Variants in RIBC2 observed in about 807,000 individuals in gnomAD.
RIBC2 encodes the protein RIB43A-like with coiled-coils protein 2.
A neutral mutation model predicts 44.3 loss-of-function variants in RIBC2; 40 were observed. That is an observed-to-expected ratio of 0.90 (90% CI 0.70 to 1.18). The LOEUF (loss-of-function observed/expected upper bound fraction) is 1.18. RIBC2 is among the 50% of genes most tolerant of loss of function. The pLI is 0.00. For missense variants in RIBC2, 459 were observed against 485.5 expected, an observed-to-expected ratio of 0.95 and a Z score of 0.51; for synonymous variants, 171 against 175.0, an observed-to-expected ratio of 0.98 and a Z score of 0.18.
intron 3 of RIBC2, 79 bp downstream of exon 3, chr22:45,418,025 C>G: frequency 1.1e-6 from 1 of 890,900 alleles, no homozygotes; most frequent in Non-Finnish European, 1.6e-6. Flanking sequence ...TTTTTTTAAG[C>G]AACCCTACAG....
chr22:45,417,973 T>C, intron 3 of RIBC2, 27 bp downstream of exon 3: 1 of 1,468,798 alleles, frequency 6.8e-7, no homozygotes, highest in Non-Finnish European at 9.2e-7. Flanking sequence ...GACGAGCTGG[T>C]CTCAACGCTC....
chr22:45,423,733 AC>A (rs1222588718), intron 4 of RIBC2, among the ~76,000 whole-genome samples: 8 of 152,128 alleles, frequency 5.3e-5, no homozygotes, highest in African/African-American at 1.9e-4. Flanking sequence ...GCAAAGCAAG[AC>A]ACCTGAAGTC....
chr22:45,415,525 A>G (rs2146872219), intron 2 of RIBC2, among the ~76,000 whole-genome samples: 1 of 152,170 alleles, frequency 6.6e-6, no homozygotes, highest in Admixed American at 6.5e-5. Flanking sequence ...ACCCACCATC[A>G]GACTAGATGT....
intron 2 of RIBC2, 49 bp downstream of exon 2, chr22:45,414,452 T>G: frequency 7.5e-7 from 1 of 1,328,174 alleles, no homozygotes; most frequent in Non-Finnish European, 1.0e-6. Flanking sequence ...TGTGTGGCTT[T>G]AGACTCCAGT....
In RIBC2 at chr22:45,421,559, G is replaced by C. The variant is rs9680855; in HGVS notation, c.557-731G>C. Reference sequence around the variant, plus strand: ...ATTAATAATATTAATAATAATAATAGTATTATTAATAATAGTATTATTAAT... The same window carrying C: ...ATTAATAATATTAATAATAATAATACTATTATTAATAATAGTATTATTAAT... On this transcript the variant is annotated intron_variant, in intron 3 of 6. Transcript: ENST00000614167. Among the ~76,000 whole-genome samples, 31 of 33,504 alleles carry C rather than the reference G, an allele frequency of 9.3e-4. 3 individuals carry two copies. Among genetic ancestry groups the C allele is most frequent in the African/African-American group, 7.4e-3 (22 of 2,984 alleles). 22.0% of individuals were successfully genotyped at this position (33,504 alleles called of 152,430 possible).
chr22:45,429,192 G>T (rs901620448), intron 5 of RIBC2, among the ~76,000 whole-genome samples: 1 of 152,222 alleles, frequency 6.6e-6, no homozygotes, highest in African/African-American at 2.4e-5. Context: ...CATCGGCCGG[G>T]TGGGGCCTGC....
chr22:45,423,985 GT>G, intron 4 of RIBC2, among the ~76,000 whole-genome samples: 2 of 152,312 alleles, frequency 1.3e-5, no homozygotes, highest in Admixed American at 1.3e-4. Flanking sequence ...TTCAACCAAT[GT>G]TTATTGAGCC....
intron 2 of RIBC2, among the ~76,000 whole-genome samples, chr22:45,414,865 A>G (rs1030004105): frequency 1.3e-5 from 2 of 152,178 alleles, no homozygotes; most frequent in African/African-American, 4.8e-5. Context: ...AAAGACACAC[A>G]CACACACTCA....
chr22:45,427,893 C>A (rs970377188), intron 5 of RIBC2, among the ~76,000 whole-genome samples: 1 of 152,256 alleles, frequency 6.6e-6, no homozygotes, highest in African/African-American at 2.4e-5. Flanking sequence ...CCTCAGCCTC[C>A]CATAGTGCCG....
chr22:45,424,284 G>C (rs998034393), intron 4 of RIBC2, among the ~76,000 whole-genome samples: 7 of 152,324 alleles, frequency 4.6e-5, no homozygotes, highest in African/African-American at 1.7e-4. Flanking sequence ...AGTTCAACAG[G>C]AAGGACACAC....
chr22:45,430,936 T>C lies in RIBC2; in HGVS notation c.940T>C (p.Trp314Arg), dbSNP rs765123724. The C allele has an allele frequency of 4.2e-5, 68 of 1,609,440 alleles. No homozygotes were observed. The highest frequency in any genetic ancestry group is 5.5e-5 in the Non-Finnish European group (65 of 1,177,676). Reference sequence around the variant, plus strand: ...AGAAAAGCGCCAGCGAGACCTGGACTGGGACCGGCGGAGGATTCAGGGGGC... The same window carrying C: ...AGAAAAGCGCCAGCGAGACCTGGACCGGGACCGGCGGAGGATTCAGGGGGC... ...QEEKRQRDLDWDRRRIQGARA... is the reference protein window; with the variant it reads ...QEEKRQRDLDRDRRRIQGARA... The change falls in exon 6 of 7, where the codon TGG (tryptophan) becomes CGG (arginine). Residue 314 changes from tryptophan to arginine, a missense_variant. Physicochemically the swap from Trp to Arg is moderately radical, Grantham distance 101. Transcript: ENST00000614167.
intron 3 of RIBC2, 55 bp downstream of exon 3, chr22:45,418,001 C>A (rs1569207574): frequency 8.8e-7 from 1 of 1,139,378 alleles, no homozygotes; most frequent in African/African-American, 2.1e-5. Flanking sequence ...CAAACCAACC[C>A]TACAGTTTTT....
At chr22:45,425,853 C>T in intron 4 of RIBC2, 95 bp from the exon 5 acceptor site, 1 of 1,048,088 alleles carries the variant, frequency 9.5e-7, no homozygotes, top group Non-Finnish European at 1.4e-6. Context: ...AGCATATCCT[C>T]CCCTCGAGGG....
Position 45,413,759 on chromosome 22 carries a change from A to C in RIBC2, c.-128A>C, listed in dbSNP as rs1246575780. The C allele has an allele frequency of 5.1e-6, 7 of 1,359,910 alleles. No individual in the cohort carries two copies. Among genetic ancestry groups the C allele is most frequent in the Non-Finnish European group, 6.9e-6 (7 of 1,010,398 alleles). 84.2% of individuals were successfully genotyped at this position (1,359,910 alleles called of 1,614,324 possible). ...GCGGCGTCACTGGGAGCCCGACGGA[A>C]AACTGCGCTAAAGGCTTGTCTTTCC... On this transcript the variant is annotated 5_prime_UTR_variant, in exon 1 of 7. Transcript: ENST00000614167.
intron 3 of RIBC2, 64 bp downstream of exon 3, chr22:45,418,010 T>TG: frequency 1.1e-6 from 1 of 898,358 alleles, no homozygotes; most frequent in Non-Finnish European, 1.6e-6. Context: ...CCTACAGTTT[T>TG]TTTTTTTTTT....
intron 4 of RIBC2, 138 bp from the exon 5 acceptor site, chr22:45,425,810 A>G: frequency 1.4e-6 from 1 of 710,542 alleles, no homozygotes; most frequent in South Asian, 1.8e-5. Flanking sequence ...CGTGCCTGAC[A>G]AGTCTCCCCT....
At position 45,414,335 on chromosome 22, in the gene RIBC2, C is replaced by G. The variant is rs1334951078; in HGVS notation, c.143C>G (p.Ala48Gly). 4.5e-6 allele frequency: 7 copies of G among 1,550,926 alleles called. No homozygotes were observed. Among genetic ancestry groups the G allele is most frequent in the Non-Finnish European group, 5.2e-6 (6 of 1,146,726 alleles). ...RNRIIGGDTE[A>G]WDVQVHDQKI... ...TTCCATTTATAGGGAGACACTGAAG[C>G]CTGGGATGTTCAAGTTCATGACCAG... The change falls in exon 2 of 7, where the codon GCC becomes GGC. Residue 48 changes from alanine to glycine, a missense_variant. Coordinates refer to ENST00000614167, the MANE Select transcript of RIBC2 (RefSeq NM_015653.5).
intron 2 of RIBC2, among the ~76,000 whole-genome samples, chr22:45,417,062 C>T (rs565807450): frequency 1.5e-4 from 23 of 151,886 alleles, no homozygotes; most frequent in South Asian, 2.1e-4. Context: ...CCACCACGCC[C>T]GGCTAATTTT....
chr22:45,415,272 A>G (rs2087412645), intron 2 of RIBC2, among the ~76,000 whole-genome samples: 1 of 151,784 alleles, frequency 6.6e-6, no homozygotes, highest in African/African-American at 2.4e-5. Context: ...AAAAAGCAGG[A>G]TACAAAATTG....
Sources: allele counts gnomAD v4.1 joint callset (sites outside exome capture counted in the v4.1 genomes callset), GRCh38; gene constraint gnomAD v4.1.1; transcripts MANE v1.5; gene names NCBI Gene and HGNC (gene_info 2026-07-23, HGNC 2026-07-21).